The following POLE variants were observed in gnomAD, a reference collection of about 807,000 sequenced individuals.
POLE encodes DNA polymerase epsilon catalytic subunit A.
POLE carries 188 observed loss-of-function variants against 279.2 expected under a neutral mutation model. That is an observed-to-expected ratio of 0.67 (90% confidence interval 0.60 to 0.76). The LOEUF is 0.76. Among genes scored for constraint, POLE ranks in the 30% least tolerant of loss-of-function variants. The pLI is 0.00. For missense variants in POLE, 2,703 were observed against 3,016.7 expected, an observed-to-expected ratio of 0.90 and a Z score of 2.44; for synonymous variants, 1,214 against 1,172.5, an observed-to-expected ratio of 1.04 and a Z score of -0.72.
At chr12:132,645,058 T>G (rs1286251861) in intron 32 of POLE, among the ~76,000 whole-genome samples, 4 of 22,004 alleles carry the variant, frequency 1.8e-4, no homozygotes, top group Non-Finnish European at 2.3e-4. Flanking sequence ...CTGTGTGGGG[T>G]CCTGGGGGGG....
chr12:132,669,379 G>A (rs1048667271), intron 16 of POLE, among the ~76,000 whole-genome samples: 2 of 151,808 alleles, frequency 1.3e-5, no homozygotes, highest in Non-Finnish European at 2.9e-5. Context: ...TGGAAGAATC[G>A]CTTGAGCCCG....
chr12:132,633,077 A>T lies in POLE; in HGVS notation c.6005-282T>A, dbSNP rs5745017. ...TCTCACTGGGTAGCGCGTGAAAGAC[A>T]GCTCCCAACACAAGCAAAGGCAGGG... On this transcript the variant is annotated intron_variant, in intron 43 of 48. Transcript: ENST00000320574. The T allele has an allele frequency of 4.6e-3, 1,225 of 266,050 alleles. 18 individuals are homozygous for T. Among genetic ancestry groups the T allele is most frequent in the African/African-American group, 0.025 (1,137 of 44,678 alleles). The allele number at this position is 266,050 out of a possible 1,614,324, so 16.5% of individuals were successfully genotyped here.
chr12:132,644,001 T>C (rs1209313344), intron 32 of POLE, 24 bp from the exon 33 acceptor site: 54 of 1,607,158 alleles, frequency 3.4e-5, no homozygotes, highest in Non-Finnish European at 4.5e-5. Flanking sequence ...GACGATGATC[T>C]CGTCACTGGG....
At position 132,641,851 on chromosome 12, in the gene POLE, A is replaced by G. The variant is rs1064796427; in HGVS notation, c.5174T>C (p.Val1725Ala). 6.3e-6 allele frequency: 10 copies of G among 1,599,272 alleles called. No individual in the cohort carries two copies. In the Admixed American group the frequency reaches 1.2e-4, roughly 19 times the overall value. The change falls in exon 39 of 49, where the codon GTG (valine) becomes GCG (alanine). Residue 1725 changes from valine (V) to alanine (A), a missense_variant and splice_region_variant. Around this residue, in one of 5 missense-constraint regions of POLE, gnomAD observed 1,551 missense variants for 1,686.1 expected, o/e 0.92. Coordinates refer to ENST00000320574, the MANE Select transcript of POLE (RefSeq NM_006231.4). Reference sequence around the variant, plus strand: ...GTTCTGAAGGTCCAGCTCCACACACACTGCACAGGAAGACGCCATGCTCAG... The same window carrying G: ...GTTCTGAAGGTCCAGCTCCACACACGCTGCACAGGAAGACGCCATGCTCAG... ...EINSSGCYST[V>A]CVELDLQNLA...
At chr12:132,665,481 C>G (rs759080322) in intron 20 of POLE, 31 bp from the exon 21 acceptor site, 1 of 1,580,140 alleles carries the variant, frequency 6.3e-7, no homozygotes, top group East Asian at 2.3e-5. Context: ...GAGCACCTCA[C>G]AGATTCTTCC....
chr12:132,635,480 G>A (rs1237786836), intron 42 of POLE, among the ~76,000 whole-genome samples: 1 of 152,136 alleles, frequency 6.6e-6, no homozygotes, highest in African/African-American at 2.4e-5. Context: ...GAAAGCCGAG[G>A]CCCTGCCCTG....
intron 8 of POLE, 56 bp downstream of exon 8, chr12:132,677,307 T>C: frequency 8.0e-7 from 1 of 1,244,986 alleles, no homozygotes; most frequent in Non-Finnish European, 1.2e-6. Context: ...CACTGAAGAA[T>C]ATTCTCTCCA....
chr12:132,643,257 T>C lies in POLE; in HGVS notation c.4518A>G (p.Ser1506=), dbSNP rs2138546415. The C allele has an allele frequency of 1.9e-6, 3 of 1,613,814 alleles. No individual in the cohort carries two copies. Among genetic ancestry groups the C allele is most frequent in the Non-Finnish European group, 2.5e-6 (3 of 1,180,026 alleles). ...HKALFGIFIP[S]QRRASVFVLD... is the part of the protein sequence containing the mutation. Reference sequence around the variant, plus strand: ...GCACAAAGACGGATGCCCTGCGCTGTGAGGGGATGAAGATCCCGAAGAGCG... The same window carrying C: ...GCACAAAGACGGATGCCCTGCGCTGCGAGGGGATGAAGATCCCGAAGAGCG... The change falls in exon 35 of 49, where the codon TCA becomes TCG. Residue 1506 remains serine (S), a synonymous_variant. Transcript: ENST00000320574.
rs2043036758 is a variant in POLE, at chr12:132,675,793, GTTCAAACCACCT to G, written c.1036_1047del (p.Arg346_Glu349del). On this transcript the variant is annotated inframe_deletion, in exon 11 of 49. Coordinates refer to ENST00000320574, the MANE Select transcript of POLE (RefSeq NM_006231.4). This position sits in a 1 kb window ranked among gnomAD's most constrained non-coding sequence, Gnocchi z 4.3. ...ATGGTGGGTTTGGTCTCCTGGACGT[GTTCAAACCACCT>G]TTGGATCAGATGAGCCTGAACCCAA... 6.2e-7 allele frequency: 1 copy of G among 1,614,020 alleles called. No homozygotes were observed. Among genetic ancestry groups the G allele is most frequent in the Non-Finnish European group, 8.5e-7 (1 of 1,179,980 alleles).
chr12:132,686,883 C>T (rs1484329321), intron 1 of POLE, among the ~76,000 whole-genome samples: 1 of 151,908 alleles, frequency 6.6e-6, no homozygotes, highest in Non-Finnish European at 1.5e-5. Context: ...TCCCCGCACC[C>T]TCCCCAGCCG....
chr12:132,642,789 G>C (rs2138537932), intron 36 of POLE, 31 bp downstream of exon 36: 1 of 1,613,348 alleles, frequency 6.2e-7, no homozygotes, highest in Non-Finnish European at 8.5e-7. Context: ...AGAAGATGGG[G>C]CTCACACAGC....
chr12:132,675,657 T>G lies in POLE; in HGVS notation c.1106+78A>C. 1 of 1,563,726 alleles carries G rather than the reference T, an allele frequency of 6.4e-7. No individual in the cohort carries two copies. Among genetic ancestry groups the G allele is most frequent in the Non-Finnish European group, 8.8e-7 (1 of 1,136,354 alleles). ...CCAGGAGCCACCTCCTAAGTCGACA[T>G]GGGAAGCGCCCCTGCACCACGCAAC... On this transcript the variant is annotated intron_variant, in intron 11 of 48. Transcript: ENST00000320574. The surrounding 1 kb of genome is among the most constrained non-coding windows in gnomAD (Gnocchi z 4.3).
intron 46 of POLE, 158 bp downstream of exon 46, chr12:132,625,959 T>C: frequency 9.2e-7 from 1 of 1,086,800 alleles, no homozygotes; most frequent in Non-Finnish European, 1.3e-6. Flanking sequence ...CCGAACATGG[T>C]GTGGGGAGGC....
chr12:132,639,243 T>C lies in POLE; in HGVS notation c.5434A>G (p.Ile1812Val), dbSNP rs1593722018. The C allele has an allele frequency of 6.2e-7, 1 of 1,614,158 alleles. No individual in the cohort carries two copies. Among genetic ancestry groups the C allele is most frequent in the Non-Finnish European group, 8.5e-7 (1 of 1,180,000 alleles). The stretch of plus-strand genomic sequence containing the variant: ...TGCATCACCTGGTTGTCTGCATAGA[T>C]GTTGTGGTACTGGGTGATCTCCTTC... The part of the protein sequence containing the change: ...WVKEITQYHN[I>V]YADNQVMHFY... The change falls in exon 40 of 49, where the codon ATC becomes GTC. Residue 1812 changes from isoleucine to valine, a missense_variant. Ile to Val is a conservative substitution (Grantham distance 29). Around this residue, in one of 5 missense-constraint regions of POLE, gnomAD observed 1,551 missense variants for 1,686.1 expected, o/e 0.92. Transcript: ENST00000320574. The surrounding 1 kb of genome is among the most constrained non-coding windows in gnomAD (Gnocchi z 4.7).
chr12:132,637,899 C>T (rs2042065555), intron 41 of POLE, 115 bp downstream of exon 41: 2 of 1,198,378 alleles, frequency 1.7e-6, no homozygotes, highest in Middle Eastern at 2.9e-4. Flanking sequence ...ATGGTGAGTC[C>T]TGCACTTCTA....
chr12:132,680,111 C>T, intron 4 of POLE, 65 bp from the exon 5 acceptor site: 1 of 1,594,152 alleles, frequency 6.3e-7, no homozygotes, highest in South Asian at 1.1e-5. Flanking sequence ...TGCCTATTTC[C>T]CAGTTGCAAA....
intron 1 of POLE, among the ~76,000 whole-genome samples, chr12:132,681,995 G>A (rs2043176924): frequency 6.6e-6 from 1 of 152,128 alleles, no homozygotes; most frequent in South Asian, 2.1e-4. Flanking sequence ...GACCAGCCTG[G>A]CCAGCATGGT....
chr12:132,635,749 C>G, intron 42 of POLE, 143 bp downstream of exon 42: 1 of 777,482 alleles, frequency 1.3e-6, no homozygotes, highest in African/African-American at 1.7e-5. Context: ...CATGGTCCCT[C>G]CCCGTGTTCA....
Position 132,624,428 on chromosome 12 carries a change from A to AC in POLE, c.*268dup. On this transcript the variant is annotated 3_prime_UTR_variant, in exon 49 of 49. Coordinates refer to ENST00000320574, the MANE Select transcript of POLE (RefSeq NM_006231.4). ...TGGAAAAGCATTCACTGCGTGAGAAACGGCGCCCAGGGCACTCGCAGCCTC... is the reference window on the plus strand; with the variant it reads ...TGGAAAAGCATTCACTGCGTGAGAAACCGGCGCCCAGGGCACTCGCAGCCTC... 1.8e-6 allele frequency: 1 copy of AC among 540,844 alleles called. No individual in the cohort carries two copies. Among genetic ancestry groups the AC allele is most frequent in the Non-Finnish European group, 3.3e-6 (1 of 300,172 alleles). The allele number at this position is 540,844 out of a possible 1,614,324, so 33.5% of individuals were successfully genotyped here. A position where few individuals can be genotyped will look rare whatever the true frequency, so the allele number is the denominator to read the frequency against.
Sources: gnomAD v4.1 joint callset for allele counts (sites outside exome capture counted in the v4.1 genomes callset) on GRCh38, gnomAD v4.1.1 for gene constraint, gnomAD v4.1.1 regional missense constraint, Gnocchi (gnomAD v3.1) non-coding constraint, MANE v1.5 for transcripts, NCBI Gene and HGNC (gene_info 2026-07-23, HGNC 2026-07-21) for gene names.